Variants in OPCML observed in about 807,000 individuals in gnomAD.
OPCML encodes opioid-binding protein/cell adhesion molecule.
In OPCML, 13 loss-of-function variants were observed where a neutral mutation model predicts 37.8. The observed-to-expected ratio is 0.34, with a 90% CI of 0.22 to 0.55. The LOEUF is 0.55. OPCML is among the 20% of genes least tolerant of loss of function. The probability of loss-of-function intolerance (pLI) is 0.91; values close to 1 mark genes in which losing one functional copy is unlikely to be tolerated. For synonymous variants in OPCML, 176 were observed against 168.8 expected, an observed-to-expected ratio of 1.04 and a Z score of -0.33; for missense variants, 341 against 435.6, an observed-to-expected ratio of 0.78 and a Z score of 1.93.
At chr11:132,558,500 TC>T (rs1204016660) in intron 3 of OPCML, among the ~76,000 whole-genome samples, 4 of 58,530 alleles carry the variant, frequency 6.8e-5, no homozygotes, top group African/African-American at 2.9e-4. Flanking sequence ...CCTCCCCTCC[TC>T]CCCCCGCCCC....
intron 1 of OPCML, among the ~76,000 whole-genome samples, chr11:133,105,677 A>G (rs1365545135): frequency 6.6e-6 from 1 of 152,206 alleles, no homozygotes; most frequent in Non-Finnish European, 1.5e-5. Flanking sequence ...AACTGAAATT[A>G]TTGGGTTGCA....
chr11:132,651,608 G>A (rs533093231), intron 3 of OPCML, among the ~76,000 whole-genome samples: 30 of 152,260 alleles, frequency 2.0e-4, no homozygotes, highest in African/African-American at 5.3e-4. Context: ...TGTAAGGAAC[G>A]GCTGAGATAA....
intron 4 of OPCML, among the ~76,000 whole-genome samples, chr11:132,501,406 A>T (rs1051700041): frequency 1.3e-5 from 2 of 152,222 alleles, no homozygotes; most frequent in African/African-American, 4.8e-5. Context: ...ATCTAAGTGG[A>T]TTCCTGGTCC....
chr11:133,476,664 T>G (rs1258163546), intron 1 of OPCML, among the ~76,000 whole-genome samples: 1 of 152,182 alleles, frequency 6.6e-6, no homozygotes, highest in Non-Finnish European at 1.5e-5. Context: ...CTTGCATTCC[T>G]GAAGCAGATC....
chr11:132,602,311 T>G (rs1018731994), intron 3 of OPCML, among the ~76,000 whole-genome samples: 6 of 152,216 alleles, frequency 3.9e-5, no homozygotes, highest in African/African-American at 1.4e-4. Flanking sequence ...CTACAAGATG[T>G]GTTATTTTCA....
chr11:133,026,472 G>A (rs1053346067), intron 1 of OPCML: 4 of 985,374 alleles, frequency 4.1e-6, no homozygotes, highest in South Asian at 4.7e-5. Context: ...ACCTCATCCT[G>A]AACATCCTCC....
intron 1 of OPCML, among the ~76,000 whole-genome samples, chr11:132,953,916 G>T (rs926518747): frequency 1.3e-5 from 2 of 152,156 alleles, no homozygotes; most frequent in African/African-American, 4.8e-5. Context: ...CATATAGGTG[G>T]TACTCCATGA....
At chr11:133,127,654 A>G (rs1592027544) in intron 1 of OPCML, among the ~76,000 whole-genome samples, 1 of 151,876 alleles carries the variant, frequency 6.6e-6, no homozygotes, top group African/African-American at 2.4e-5. Context: ...AAAGTCATTT[A>G]TCTAATAAAT....
intron 4 of OPCML, among the ~76,000 whole-genome samples, chr11:132,454,759 T>C (rs976096773): frequency 6.6e-6 from 1 of 152,178 alleles, no homozygotes; most frequent in Non-Finnish European, 1.5e-5. Flanking sequence ...AACTGACTTG[T>C]TGGAAATCCA....
chr11:132,477,866 T>C (rs2096162667), intron 4 of OPCML, among the ~76,000 whole-genome samples: 1 of 152,206 alleles, frequency 6.6e-6, no homozygotes, highest in Admixed American at 6.5e-5. Flanking sequence ...CATAGAGTAA[T>C]TTACTTGTAA....
At chr11:132,514,356 A>T (rs1041311218) in intron 4 of OPCML, among the ~76,000 whole-genome samples, 1 of 152,216 alleles carries the variant, frequency 6.6e-6, no homozygotes, top group African/African-American at 2.4e-5. Flanking sequence ...CAATGGACAA[A>T]GGCCAGTGCG....
rs964531376 is a variant in OPCML at position 133,428,026 on chromosome 11, A to G, written c.61+104238T>C. On this transcript the variant is annotated intron_variant, in intron 1 of 7. Coordinates refer to ENST00000524381, the MANE Select transcript of OPCML (RefSeq NM_001012393.5). The stretch of plus-strand genomic sequence containing the variant: ...GATAACACCAAGATGAAAACTATGG[A>G]ACAGACACAGTTACGAACATAGATG... Among the ~76,000 whole-genome samples, 3 of 152,326 alleles carry G rather than the reference A, an allele frequency of 2.0e-5. No individual in the cohort carries two copies. The South Asian group carries it at 6.2e-4, about 32-fold the overall frequency.
intron 4 of OPCML, among the ~76,000 whole-genome samples, chr11:132,459,145 C>G (rs1458976606): frequency 6.6e-6 from 1 of 152,120 alleles, no homozygotes; most frequent in African/African-American, 2.4e-5. Context: ...TTCTGCCTGC[C>G]TGCTCAGGCT....
At chr11:132,618,601 G>T (rs1031122611) in intron 3 of OPCML, among the ~76,000 whole-genome samples, 1 of 152,054 alleles carries the variant, frequency 6.6e-6, no homozygotes, top group African/African-American at 2.4e-5. Context: ...TGTTCACACT[G>T]AACGGATTTA....
chr11:132,913,848 C>A (rs997698288), intron 2 of OPCML, among the ~76,000 whole-genome samples: 1 of 152,190 alleles, frequency 6.6e-6, no homozygotes, highest in African/African-American at 2.4e-5. Flanking sequence ...TCCTTTCTCT[C>A]AGCTCCACAA....
chr11:132,985,068 ACATAAT>A (rs1946661406), intron 1 of OPCML, among the ~76,000 whole-genome samples: 1 of 152,136 alleles, frequency 6.6e-6, no homozygotes, highest in Non-Finnish European at 1.5e-5. Flanking sequence ...TCTTCAGCAC[ACATAAT>A]CTGGCTTTCA....
chr11:132,739,290 G>T (rs558320366), intron 2 of OPCML, among the ~76,000 whole-genome samples: 4 of 152,146 alleles, frequency 2.6e-5, no homozygotes, highest in Non-Finnish European at 4.4e-5. Flanking sequence ...CTTATCACTG[G>T]GTTCCTTCCC....
chr11:132,704,222 A>T (rs1038917433), intron 2 of OPCML, among the ~76,000 whole-genome samples: 2 of 152,256 alleles, frequency 1.3e-5, no homozygotes, highest in Admixed American at 6.5e-5. Flanking sequence ...AAAACAAAAA[A>T]GTATCAAATG....
chr11:132,893,074 C>T (rs1006239251), intron 2 of OPCML, among the ~76,000 whole-genome samples: 24 of 152,288 alleles, frequency 1.6e-4, no homozygotes, highest in African/African-American at 5.5e-4. Context: ...CCCATTAACC[C>T]TTGTTTTTGA....
Sources: gnomAD v4.1 joint callset for allele counts (sites outside exome capture counted in the v4.1 genomes callset) on GRCh38, gnomAD v4.1.1 for gene constraint, MANE v1.5 for transcripts, NCBI Gene and HGNC (gene_info 2026-07-23, HGNC 2026-07-21) for gene names.